The following TLN2 variants were observed in gnomAD, a reference collection of about 807,000 sequenced individuals.
The protein encoded by TLN2 is talin 2.
A neutral mutation model predicts 294.7 loss-of-function variants in TLN2; 118 were observed. The ratio of observed to expected loss-of-function variants is 0.40; its 90% confidence interval spans 0.34 to 0.47. The LOEUF (loss-of-function observed/expected upper bound fraction) is 0.47, where lower values mean the gene tolerates loss of function less well. TLN2 is among the 20% of genes least tolerant of loss of function. The probability of loss-of-function intolerance (pLI) is 0.84; values close to 1 mark genes in which losing one functional copy is unlikely to be tolerated. For synonymous variants in TLN2, 1,431 were observed against 1,304.5 expected (o/e 1.10, Z -2.09); for missense variants, 3,083 against 3,282.2 (o/e 0.94, Z 1.48).
At chr15:62,821,529 C>T (rs538960229) in intron 54 of TLN2, among the ~76,000 whole-genome samples, 8 of 152,352 alleles carry the variant, frequency 5.3e-5, no homozygotes, top group Non-Finnish European at 8.8e-5. Flanking sequence ...GAGCAGACCA[C>T]TCAAAAGCAG....
intron 1 of TLN2, among the ~76,000 whole-genome samples, chr15:62,568,061 T>C (rs1048527211): frequency 4.6e-5 from 7 of 152,188 alleles, no homozygotes; most frequent in Non-Finnish European, 1.0e-4. Context: ...ACAGATATTA[T>C]TAGCATTTTT....
intron 1 of TLN2, among the ~76,000 whole-genome samples, chr15:62,393,823 C>T (rs1425405611): frequency 1.3e-5 from 2 of 150,828 alleles, no homozygotes; most frequent in African/African-American, 2.4e-5. Flanking sequence ...TGTTATACAT[C>T]GTGCTTTGTT....
intron 1 of TLN2, among the ~76,000 whole-genome samples, chr15:62,406,879 C>A (rs12916583): frequency 0.063 from 9,611 of 152,212 alleles, 395 homozygotes; most frequent in Non-Finnish European, 0.093. Flanking sequence ...GATCTCATTT[C>A]AACTTGATTC....
intron 1 of TLN2, among the ~76,000 whole-genome samples, chr15:62,395,822 G>A (rs1566939743): frequency 2.0e-5 from 3 of 151,956 alleles, no homozygotes; most frequent in East Asian, 1.9e-4. Context: ...TTGCATGACC[G>A]TATTTCTGAT....
At chr15:62,458,698 G>A (rs1486385559) in intron 1 of TLN2, among the ~76,000 whole-genome samples, 1 of 151,782 alleles carries the variant, frequency 6.6e-6, no homozygotes, top group East Asian at 1.9e-4. Context: ...GAGTCCAGGA[G>A]GTCAAGGCTA....
intron 1 of TLN2, among the ~76,000 whole-genome samples, chr15:62,470,769 T>C (rs12148147): frequency 0.24 from 36,385 of 152,202 alleles, 4,544 homozygotes; most frequent in Non-Finnish European, 0.27. Context: ...TTTGAAGGTC[T>C]AAAAGTTTGG....
At chr15:62,533,972 A>G (rs148150149) in intron 1 of TLN2, among the ~76,000 whole-genome samples, 1 of 152,310 alleles carries the variant, frequency 6.6e-6, no homozygotes, top group East Asian at 1.9e-4. Context: ...AGAAGCAGTC[A>G]CTTGGCTCTG....
chr15:62,653,438 A>C (rs1359693649), intron 7 of TLN2, 124 bp downstream of exon 7: 18 of 1,245,804 alleles, frequency 1.4e-5, no homozygotes, highest in Non-Finnish European at 1.8e-5. Context: ...CTATTTTAAA[A>C]AAGTAGGCTG....
chr15:62,647,609 T>G (rs1340995377), intron 4 of TLN2, among the ~76,000 whole-genome samples, 163 bp downstream of exon 4: 1 of 152,240 alleles, frequency 6.6e-6, no homozygotes. Flanking sequence ...TCTGTGAGAC[T>G]TGTGATTACA....
intron 1 of TLN2, among the ~76,000 whole-genome samples, chr15:62,493,839 G>T (rs889059244): frequency 2.0e-5 from 3 of 152,128 alleles, no homozygotes; most frequent in Non-Finnish European, 4.4e-5. Context: ...TCGATCTCCT[G>T]ACCTCAGGTG....
At chr15:62,582,247 C>CACACACACACACACACAT (rs1412650912) in intron 1 of TLN2, among the ~76,000 whole-genome samples, 47 of 103,202 alleles carry the variant, frequency 4.6e-4, no homozygotes, top group South Asian at 2.0e-3. Flanking sequence ...CACACACACA[C>CACACACACACACACACAT]ATTCATGCCT....
At chr15:62,447,646 A>C (rs1157524364) in intron 1 of TLN2, among the ~76,000 whole-genome samples, 1 of 151,866 alleles carries the variant, frequency 6.6e-6, no homozygotes, top group Non-Finnish European at 1.5e-5. Context: ...GGCACCCGCC[A>C]CCACGCCCGG....
chr15:62,475,406 G>T (rs1279678468), intron 1 of TLN2, among the ~76,000 whole-genome samples: 1 of 152,132 alleles, frequency 6.6e-6, no homozygotes, highest in Non-Finnish European at 1.5e-5. Context: ...TGATCTGCTC[G>T]AGGTTGCATT....
At chr15:62,402,331 C>G (rs1206363366) in intron 1 of TLN2, among the ~76,000 whole-genome samples, 1 of 152,216 alleles carries the variant, frequency 6.6e-6, no homozygotes, top group Admixed American at 6.5e-5. Context: ...TCTGGACAAA[C>G]TCACCAGTCT....
At chr15:62,394,077 A>G (rs72753814) in intron 1 of TLN2, among the ~76,000 whole-genome samples, 2,140 of 152,178 alleles carry the variant, frequency 0.014, 29 homozygotes, top group Non-Finnish European at 0.023. Context: ...CACCTGGCCA[A>G]CCTGATTCTT....
intron 48 of TLN2, among the ~76,000 whole-genome samples, chr15:62,798,146 T>C (rs1038900375): frequency 6.6e-6 from 1 of 152,060 alleles, no homozygotes; most frequent in Admixed American, 6.6e-5. Flanking sequence ...TGTCCCCAGC[T>C]GCTTGTGTGG....
Position 62,722,614 on chromosome 15 carries a change from A to G in TLN2, c.3126+127A>G, listed in dbSNP as rs971826578. On this transcript the variant is annotated intron_variant, in intron 26 of 58. Coordinates refer to ENST00000636159, the MANE Select transcript of TLN2 (RefSeq NM_015059.3). ...AGTTGTCCATTCTACTTGCATGACT[A>G]TTAAAGATGCCCCTGTGGGTTGGCT... 9.1e-6 allele frequency: 11 copies of G among 1,215,360 alleles called. No individual in the cohort carries two copies. In the South Asian group the frequency reaches 9.6e-5, roughly 11 times the overall value. 75.3% of individuals were successfully genotyped at this position (1,215,360 alleles called of 1,614,324 possible).
chr15:62,541,537 C>A (rs1422778217), intron 1 of TLN2, among the ~76,000 whole-genome samples: 1 of 152,138 alleles, frequency 6.6e-6, no homozygotes, highest in Non-Finnish European at 1.5e-5. Context: ...CTTCCAGCTC[C>A]CCAATCGTAT....
intron 58 of TLN2, among the ~76,000 whole-genome samples, chr15:62,839,793 G>A (rs1161521182): frequency 6.6e-6 from 1 of 152,212 alleles, no homozygotes; most frequent in Non-Finnish European, 1.5e-5. Flanking sequence ...CTAATTTCAT[G>A]AGAAGTTTCA....
Sources: allele counts gnomAD v4.1 joint callset (sites outside exome capture counted in the v4.1 genomes callset), GRCh38; gene constraint gnomAD v4.1.1; transcripts MANE v1.5; gene names NCBI Gene and HGNC (gene_info 2026-07-23, HGNC 2026-07-21).